The following PDE7B variants were observed in gnomAD, a reference collection of about 807,000 sequenced individuals.
The protein encoded by PDE7B is 3',5'-cyclic-AMP phosphodiesterase 7B.
PDE7B carries 29 observed loss-of-function variants against 56.2 expected under a neutral mutation model. The ratio of observed to expected loss-of-function variants is 0.52; its 90% CI spans 0.38 to 0.70. PDE7B has a LOEUF of 0.70. Among genes scored for constraint, PDE7B ranks in the 30% least tolerant of loss-of-function variants. The pLI is 0.00. For missense variants in PDE7B, 490 were observed against 565.0 expected (o/e 0.87, Z 1.35); for synonymous variants, 197 against 196.9 (o/e 1.00, Z 0.00).
chr6:136,174,075 C>G (rs538951573), intron 9 of PDE7B, among the ~76,000 whole-genome samples, 187 bp downstream of exon 9: 2 of 152,136 alleles, frequency 1.3e-5, no homozygotes, highest in Non-Finnish European at 2.9e-5. Context: ...CAAAATCTCT[C>G]TGTGTGCTTT....
chr6:136,020,656 G>T (rs1414114882), intron 2 of PDE7B, among the ~76,000 whole-genome samples: 1 of 151,598 alleles, frequency 6.6e-6, no homozygotes, highest in Non-Finnish European at 1.5e-5. Flanking sequence ...ATTTTCTGTT[G>T]TCCATATAAC....
rs138139219 is a variant in PDE7B at position 135,864,279 on chromosome 6, A to G, written c.21+12260A>G. Among the ~76,000 whole-genome samples the G allele has an allele frequency of 2.2e-3, 341 of 152,268 alleles. 3 individuals are homozygous for G. Among genetic ancestry groups the G allele is most frequent in the African/African-American group, 7.8e-3 (323 of 41,570 alleles). On this transcript the variant is annotated intron_variant, in intron 1 of 12. Coordinates refer to ENST00000308191, the MANE Select transcript of PDE7B (RefSeq NM_018945.4). ...GCTATTGTTAGGTATTTAACTTTATATAATGTAAATCTTTGAATAATTATA... is the reference window on the plus strand; with the variant it reads ...GCTATTGTTAGGTATTTAACTTTATGTAATGTAAATCTTTGAATAATTATA...
At chr6:135,867,877 A>T (rs1158749929) in intron 1 of PDE7B, among the ~76,000 whole-genome samples, 2 of 152,228 alleles carry the variant, frequency 1.3e-5, no homozygotes, top group Admixed American at 1.3e-4. Context: ...ACAGTTTTTA[A>T]TTGCTACTTT....
At chr6:136,102,510 ACTGAAGGCAGACCCAGATTT>A (rs1777580677) in intron 2 of PDE7B, among the ~76,000 whole-genome samples, 1 of 152,204 alleles carries the variant, frequency 6.6e-6, no homozygotes, top group African/African-American at 2.4e-5. Context: ...TGTTTTCATT[ACTGAAGGCAGACCCAGATTT>A]CATAGTCCCC....
intron 1 of PDE7B, among the ~76,000 whole-genome samples, chr6:135,906,827 T>TTTTTTTTTGTTTTTTTTTTTTTG (rs1776121905): frequency 3.0e-5 from 4 of 133,544 alleles, no homozygotes; most frequent in African/African-American, 8.3e-5. Flanking sequence ...TTTTTTTTTT[T>TTTTTTTTTGTTTTTTTTTTTTTG]TTTTTTTTTA....
At chr6:135,966,165 G>T (rs1335612187) in intron 2 of PDE7B, among the ~76,000 whole-genome samples, 1 of 152,088 alleles carries the variant, frequency 6.6e-6, no homozygotes, top group African/African-American at 2.4e-5. Context: ...AAGGAGTTAG[G>T]ACTTAGAAAG....
intron 8 of PDE7B, among the ~76,000 whole-genome samples, chr6:136,169,505 G>A (rs1388486588): frequency 6.6e-6 from 1 of 152,094 alleles, no homozygotes; most frequent in African/African-American, 2.4e-5. Context: ...AAGTCAGGCT[G>A]GCATACATCA....
intron 2 of PDE7B, among the ~76,000 whole-genome samples, chr6:135,993,382 T>A (rs1005005536): frequency 3.3e-5 from 5 of 152,224 alleles, no homozygotes; most frequent in African/African-American, 1.2e-4. Context: ...GGAAGATTTT[T>A]AAAATTCAGA....
intron 2 of PDE7B, among the ~76,000 whole-genome samples, chr6:136,105,000 A>G (rs1344797750): frequency 6.6e-6 from 1 of 152,150 alleles, no homozygotes; most frequent in Non-Finnish European, 1.5e-5. Context: ...ACCTAGCTCC[A>G]TTGTTACTTG....
intron 2 of PDE7B, among the ~76,000 whole-genome samples, chr6:136,097,192 T>C (rs1434656035): frequency 6.6e-6 from 1 of 152,212 alleles, no homozygotes. Context: ...TTTATAAATT[T>C]GTATCTCCAT....
At chr6:136,177,798 C>G (rs116604337) in intron 9 of PDE7B, among the ~76,000 whole-genome samples, 1 of 151,920 alleles carries the variant, frequency 6.6e-6, no homozygotes, top group African/African-American at 2.4e-5. Context: ...TCTGCACATG[C>G]GTAACTAGAG....
intron 1 of PDE7B, among the ~76,000 whole-genome samples, chr6:135,882,219 A>G (rs1775623181): frequency 6.6e-6 from 1 of 152,198 alleles, no homozygotes; most frequent in Non-Finnish European, 1.5e-5. Flanking sequence ...CCAAATTCTC[A>G]TTTATTACCA....
chr6:136,118,986 C>T (rs1219920286), intron 3 of PDE7B, among the ~76,000 whole-genome samples: 1 of 152,136 alleles, frequency 6.6e-6, no homozygotes, highest in Non-Finnish European at 1.5e-5. Flanking sequence ...CATCGCCTGA[C>T]CTTGTGTTCT....
intron 2 of PDE7B, among the ~76,000 whole-genome samples, chr6:136,097,072 T>G (rs1014137591): frequency 2.6e-5 from 4 of 151,646 alleles, no homozygotes; most frequent in Non-Finnish European, 4.4e-5. Flanking sequence ...AGACTCCTCC[T>G]CCTCCAACAA....
chr6:136,069,997 TA>T (rs1464156650), intron 2 of PDE7B, among the ~76,000 whole-genome samples: 1 of 152,164 alleles, frequency 6.6e-6, no homozygotes, highest in Non-Finnish European at 1.5e-5. Flanking sequence ...ATTAAACTGA[TA>T]AATATCAAAA....
intron 3 of PDE7B, among the ~76,000 whole-genome samples, chr6:136,140,918 C>T (rs2128445921): frequency 6.6e-6 from 1 of 152,060 alleles, no homozygotes; most frequent in African/African-American, 2.4e-5. Context: ...CAAACAGGGA[C>T]AATTTGACTT....
intron 1 of PDE7B, among the ~76,000 whole-genome samples, chr6:135,893,648 C>CG (rs1362613967): frequency 1.2e-4 from 19 of 152,224 alleles, no homozygotes; most frequent in African/African-American, 4.3e-4. Context: ...TTTGACCCAG[C>CG]CATCCCATTA....
At chr6:136,169,958 A>T (rs918673128) in intron 8 of PDE7B, among the ~76,000 whole-genome samples, 3 of 152,214 alleles carry the variant, frequency 2.0e-5, no homozygotes, top group Non-Finnish European at 4.4e-5. Context: ...CAGACTCTAC[A>T]GAAGATGGAT....
chr6:136,096,205 A>C (rs1008820358), intron 2 of PDE7B: 3 of 152,218 alleles, frequency 2.0e-5, no homozygotes, highest in Admixed American at 6.5e-5. Context: ...GAAGTCTCCT[A>C]AGAACAGACT....
Sources: allele counts gnomAD v4.1 joint callset (sites outside exome capture counted in the v4.1 genomes callset), GRCh38; gene constraint gnomAD v4.1.1; transcripts MANE v1.5; gene names NCBI Gene and HGNC (gene_info 2026-07-23, HGNC 2026-07-21).